SCML4: variants seen among roughly 807,000 people sequenced by gnomAD.
SCML4 encodes the protein Scm polycomb group protein like 4, also known as sex comb on midleg-like protein 4.
Under a neutral mutation model 41.1 loss-of-function variants are expected in SCML4, and 34 were observed. The ratio of observed to expected loss-of-function variants is 0.83; its 90% CI spans 0.63 to 1.10. The LOEUF (loss-of-function observed/expected upper bound fraction) is 1.10. SCML4 is among the 50% of genes least tolerant of loss of function. The probability of loss-of-function intolerance (pLI) is 0.00; values close to 1 mark genes in which losing one functional copy is unlikely to be tolerated. For missense variants in SCML4, 522 were observed against 534.1 expected, an observed-to-expected ratio of 0.98 and a Z score of 0.22; for synonymous variants, 214 against 220.9, an observed-to-expected ratio of 0.97 and a Z score of 0.28.
intron 1 of SCML4, among the ~76,000 whole-genome samples, chr6:107,811,845 C>T (rs1015003382): frequency 1.3e-5 from 2 of 152,186 alleles, no homozygotes; most frequent in Admixed American, 6.5e-5. Context: ...GTCCAGCTTC[C>T]TTTATGGCTG....
intron 1 of SCML4, among the ~76,000 whole-genome samples, chr6:107,803,434 C>T (rs1364827220): frequency 4.1e-5 from 6 of 145,344 alleles, no homozygotes; most frequent in South Asian, 4.3e-4. Context: ...GTGGGGGGGT[C>T]AGCCCCCCGC....
At chr6:107,747,308 C>T (rs112489668) in intron 3 of SCML4, among the ~76,000 whole-genome samples, 50 of 152,140 alleles carry the variant, frequency 3.3e-4, no homozygotes, top group African/African-American at 1.1e-3. Context: ...TAACCGTCTA[C>T]GAACAAAAAA....
chr6:107,844,706 A>T, the SCML4 span, among the ~76,000 whole-genome samples: 1 of 152,018 alleles, frequency 6.6e-6, no homozygotes, highest in Non-Finnish European at 1.5e-5. Flanking sequence ...TCTCCACCTC[A>T]TTTGTCCTCA....
intron 5 of SCML4, among the ~76,000 whole-genome samples, chr6:107,742,819 GAA>G (rs35427576): frequency 1.3e-5 from 2 of 150,544 alleles, no homozygotes; most frequent in Non-Finnish European, 3.0e-5. Flanking sequence ...CAATGTGAAA[GAA>G]AAAAAAAACA....
chr6:107,713,063 C>T (rs1272487507), intron 6 of SCML4, among the ~76,000 whole-genome samples: 2 of 152,200 alleles, frequency 1.3e-5, no homozygotes, highest in Non-Finnish European at 2.9e-5. Context: ...GTTTCTAAAG[C>T]TGAACTCACA....
intron 2 of SCML4, 130 bp downstream of exon 2, chr6:107,772,042 A>C: frequency 1.4e-6 from 1 of 704,312 alleles, no homozygotes; most frequent in Non-Finnish European, 2.3e-6. Context: ...TACTTCACCG[A>C]GGGAGGCTTA....
At chr6:107,796,070 T>C (rs2114623495) in intron 1 of SCML4, among the ~76,000 whole-genome samples, 1 of 152,368 alleles carries the variant, frequency 6.6e-6, no homozygotes, top group African/African-American at 2.4e-5. Flanking sequence ...TGTTAATTCA[T>C]TCACCTGTTG....
intron 1 of SCML4, among the ~76,000 whole-genome samples, chr6:107,809,167 C>T: frequency 6.6e-6 from 1 of 152,210 alleles, no homozygotes; most frequent in East Asian, 1.9e-4. Flanking sequence ...CATTTGTCCC[C>T]TCTAGAGGAT....
chr6:107,750,191 G>T (rs1266541913), intron 2 of SCML4, among the ~76,000 whole-genome samples: 4 of 152,194 alleles, frequency 2.6e-5, no homozygotes, highest in Non-Finnish European at 5.9e-5. Flanking sequence ...GGCTTTCCCT[G>T]TATCCACCCA....
intron 5 of SCML4, among the ~76,000 whole-genome samples, chr6:107,722,133 T>C (rs1032450120): frequency 6.6e-6 from 1 of 151,538 alleles, no homozygotes; most frequent in Non-Finnish European, 1.5e-5. Context: ...GGAAGCACCA[T>C]ACCCGGCTAA....
At chr6:107,772,092 G>T in intron 2 of SCML4, 80 bp downstream of exon 2, 1 of 1,253,508 alleles carries the variant, frequency 8.0e-7, no homozygotes, top group Non-Finnish European at 1.1e-6. Flanking sequence ...ACCTCTAGTG[G>T]CATTTTGCAG....
chr6:107,707,396 AT>A (rs762154915), intron 7 of SCML4, among the ~76,000 whole-genome samples: 75 of 152,274 alleles, frequency 4.9e-4, no homozygotes, highest in Admixed American at 1.2e-3. Flanking sequence ...CCATCTCTAT[AT>A]TTTAGCATAT....
At position 107,711,069 on chromosome 6, in the gene SCML4, G is replaced by C. The variant is rs1446510098; in HGVS notation, c.974-3058C>G. On this transcript the variant is annotated intron_variant, in intron 6 of 7. Transcript: ENST00000369020. ...GTCCCGCTTTGTCACCCAGGCTGCA[G>C]TGCAGTGGCATGATCTTGTTCACAG... is the stretch of plus-strand genomic sequence containing the variant. Among the ~76,000 whole-genome samples the C allele has an allele frequency of 3.4e-5, 2 of 58,212 alleles. 1 individual carries two copies. The highest frequency in any genetic ancestry group is 4.6e-4 in the Admixed American group (2 of 4,394). 38.2% of individuals were successfully genotyped at this position (58,212 alleles called of 152,430 possible).
chr6:107,725,764 T>C (rs1775894686), intron 5 of SCML4, among the ~76,000 whole-genome samples: 1 of 152,126 alleles, frequency 6.6e-6, no homozygotes, highest in Non-Finnish European at 1.5e-5. Flanking sequence ...TAAAATAAAT[T>C]AGACTTCATC....
chr6:107,762,876 C>CTTTTTTTTTTTTT (rs57370632), intron 2 of SCML4, among the ~76,000 whole-genome samples: 15 of 89,660 alleles, frequency 1.7e-4, no homozygotes, highest in Non-Finnish European at 1.9e-4. Flanking sequence ...TAAATGCACT[C>CTTTTTTTTTTTTT]TTTTTTTTTT....
At chr6:107,763,130 G>A (rs755171384) in intron 2 of SCML4, among the ~76,000 whole-genome samples, 6 of 151,872 alleles carry the variant, frequency 4.0e-5, no homozygotes, top group Non-Finnish European at 8.8e-5. Flanking sequence ...TGATCCTGCT[G>A]CCTAGCCTCC....
At chr6:107,794,239 A>G (rs901613250) in intron 1 of SCML4, among the ~76,000 whole-genome samples, 15 of 152,350 alleles carry the variant, frequency 9.8e-5, no homozygotes, top group Admixed American at 9.8e-4. Flanking sequence ...GGATTGAATT[A>G]AACAGATTAA....
At chr6:107,734,816 G>T (rs1313868980) in intron 5 of SCML4, among the ~76,000 whole-genome samples, 1 of 152,058 alleles carries the variant, frequency 6.6e-6, no homozygotes, top group Non-Finnish European at 1.5e-5. Context: ...AAATATGAAG[G>T]CTTTTGTATT....
chr6:107,807,151 T>C (rs1367222480), intron 1 of SCML4, among the ~76,000 whole-genome samples: 1 of 152,010 alleles, frequency 6.6e-6, no homozygotes, highest in Non-Finnish European at 1.5e-5. Context: ...TATTGTTGCA[T>C]TGTATTTAAG....
Sources: allele counts gnomAD v4.1 joint callset (sites outside exome capture counted in the v4.1 genomes callset), GRCh38; gene constraint gnomAD v4.1.1; transcripts MANE v1.5; gene names NCBI Gene and HGNC (gene_info 2026-07-23, HGNC 2026-07-21).